The following UFD1 variants were observed in gnomAD, a reference collection of about 807,000 sequenced individuals.
The protein encoded by UFD1 is ubiquitin recognition factor in ER associated degradation 1.
Under a neutral mutation model 45.9 loss-of-function variants are expected in UFD1, and 13 were observed. The ratio of observed to expected loss-of-function variants is 0.28; its 90% CI spans 0.18 to 0.45. The LOEUF is 0.45. Among genes scored for constraint, UFD1 ranks in the 20% least tolerant of loss-of-function variants. The pLI is 1.00. For missense variants in UFD1, 218 were observed against 389.2 expected (o/e 0.56, Z 3.70); for synonymous variants, 128 against 139.2 (o/e 0.92, Z 0.56).
Position 19,450,651 on chromosome 22 carries a change from A to T in UFD1, c.*19T>A. The T allele has an allele frequency of 6.2e-7, 1 of 1,613,892 alleles. No homozygotes were observed. The highest frequency in any genetic ancestry group is 1.1e-5 in the South Asian group (1 of 91,062). ...CAAATGATTCTTTTATTATTTTCCAATCAGCCAACAGTCCTCACTTAGGGC... is the reference window on the plus strand; with the variant it reads ...CAAATGATTCTTTTATTATTTTCCATTCAGCCAACAGTCCTCACTTAGGGC... On this transcript the variant is annotated 3_prime_UTR_variant, in exon 12 of 12. Transcript: ENST00000263202.
chr22:19,454,283 A>G (rs1291644922), intron 11 of UFD1: 2 of 998,522 alleles, frequency 2.0e-6, no homozygotes, highest in Admixed American at 5.6e-5. Flanking sequence ...AAGGGAAAAC[A>G]TGACAGACAC....
At chr22:19,467,303 C>T (rs781437842) in intron 5 of UFD1, 2 of 152,590 alleles carry the variant, frequency 1.3e-5, no homozygotes, top group East Asian at 1.9e-4. Flanking sequence ...AGCACCGTCC[C>T]GTACCTGCAC....
At chr22:19,478,635 C>A in intron 1 of UFD1, 1 of 237,278 alleles carries the variant, frequency 4.2e-6, no homozygotes, top group Non-Finnish European at 8.1e-6. Flanking sequence ...GGCACGAACC[C>A]GTAGGCACGG....
At chr22:19,452,955 T>A in intron 11 of UFD1, 1 of 831,474 alleles carries the variant, frequency 1.2e-6, no homozygotes, top group Non-Finnish European at 1.5e-6. Flanking sequence ...TCTGCAAAAT[T>A]GTGCCCATCT....
chr22:19,470,121 G>A, intron 4 of UFD1: 1 of 466,288 alleles, frequency 2.1e-6, no homozygotes, highest in Non-Finnish European at 4.3e-6. Flanking sequence ...GGCACCTGCA[G>A]ACAAACACAA....
rs2089673893 is a variant in UFD1 at position 19,450,678 on chromosome 22, T to C, written c.916A>G (p.Lys306Glu). Residue 306 changes from lysine to glutamate, a missense_variant, in exon 12 of 12, where the codon AAG becomes GAG. Around this residue, in one of 2 missense-constraint regions of UFD1, gnomAD observed 69 missense variants for 81.7 expected, o/e 0.84. Coordinates refer to ENST00000263202, the MANE Select transcript of UFD1 (RefSeq NM_005659.7). ...CAGCCAACAGTCCTCACTTAGGGCT[T>C]TCTTCCCTTTTTACGCAATGACTGT... ...EGQSLRKKGRKP is the reference protein window; with the variant it reads ...EGQSLRKKGREP 6.2e-7 allele frequency: 1 copy of C among 1,614,204 alleles called. No homozygotes were observed. Among genetic ancestry groups the C allele is most frequent in the East Asian group, 2.2e-5 (1 of 44,882 alleles).
chr22:19,474,290 A>G (rs965127485), intron 3 of UFD1, among the ~76,000 whole-genome samples: 4 of 152,160 alleles, frequency 2.6e-5, no homozygotes, highest in Non-Finnish European at 5.9e-5. Flanking sequence ...CACGCCTATA[A>G]TCCCATAACT....
Position 19,454,838 on chromosome 22 carries a change from AAGAGAC to A in UFD1, c.768-14_768-9del, listed in dbSNP as rs747177448. The A allele has an allele frequency of 1.2e-5, 19 of 1,612,468 alleles. No homozygotes were observed. The East Asian group carries it at 2.7e-4, about 23-fold the overall frequency. ...TCATAATTGGGAATTCCTCTGTAAG[AAGAGAC>A]AGAGACAGAGAAATGTTATTTCCAG... On this transcript the variant is annotated splice_polypyrimidine_tract_variant and intron_variant, in intron 10 of 11. Transcript: ENST00000263202.
In UFD1 at chr22:19,450,821, G is replaced by A. The variant is rs8137166; in HGVS notation, c.850-77C>T. ...TAAATGCCTTACTCTATGGACTCACGTACCATCCACATTACTCATAAGAAA... is the reference window on the plus strand; with the variant it reads ...TAAATGCCTTACTCTATGGACTCACATACCATCCACATTACTCATAAGAAA... On this transcript the variant is annotated intron_variant, in intron 11 of 11. Coordinates refer to ENST00000263202, the MANE Select transcript of UFD1 (RefSeq NM_005659.7). The A allele has an allele frequency of 0.016, 26,002 of 1,606,858 alleles. 3,463 individuals carry two copies. In the African/African-American group the frequency reaches 0.3, roughly 18 times the overall value.
intron 2 of UFD1, 54 bp downstream of exon 2, chr22:19,475,416 C>T: frequency 6.2e-7 from 1 of 1,607,490 alleles, no homozygotes; most frequent in Middle Eastern, 1.8e-4. Flanking sequence ...AAGGCTACAG[C>T]ATTGCAGACT....
intron 4 of UFD1, among the ~76,000 whole-genome samples, chr22:19,468,483 G>A (rs1601897964): frequency 6.6e-6 from 1 of 152,148 alleles, no homozygotes; most frequent in African/African-American, 2.4e-5. Flanking sequence ...TGCTAAGGAG[G>A]TTATAAAAAT....
chr22:19,454,219 T>C (rs2073728), intron 11 of UFD1: 852,751 of 991,644 alleles, frequency 0.86, 367,174 homozygotes, highest in African/African-American at 0.97. Context: ...TCATACACCC[T>C]ACACCAGCTC....
intron 11 of UFD1, chr22:19,451,425 G>A: frequency 4.1e-6 from 4 of 985,140 alleles, no homozygotes; most frequent in Non-Finnish European, 4.8e-6. Context: ...CACTTTTAAT[G>A]CTTTTAACAT....
intron 6 of UFD1, among the ~76,000 whole-genome samples, chr22:19,458,739 G>C (rs1046782484): frequency 6.6e-6 from 1 of 152,078 alleles, no homozygotes; most frequent in Non-Finnish European, 1.5e-5. Context: ...CACCGCACTC[G>C]GCCTTCGAAA....
At chr22:19,474,071 C>T (rs1022154932) in intron 3 of UFD1, among the ~76,000 whole-genome samples, 2 of 152,116 alleles carry the variant, frequency 1.3e-5, no homozygotes, top group African/African-American at 4.8e-5. Context: ...TTCCAGGTTG[C>T]TCTCATGGGA....
chr22:19,476,047 T>C (rs984240927), intron 1 of UFD1, among the ~76,000 whole-genome samples: 1 of 152,254 alleles, frequency 6.6e-6, no homozygotes, highest in Non-Finnish European at 1.5e-5. Context: ...ATACCACCCC[T>C]GTCCTGGTGA....
intron 6 of UFD1, among the ~76,000 whole-genome samples, chr22:19,459,661 G>T (rs2146292703): frequency 6.7e-6 from 1 of 150,064 alleles, no homozygotes; most frequent in Non-Finnish European, 1.5e-5. Context: ...CAGAAGCATA[G>T]AAATTAAAAG....
chr22:19,472,631 C>T (rs1452883710), intron 3 of UFD1, among the ~76,000 whole-genome samples: 2 of 152,190 alleles, frequency 1.3e-5, no homozygotes, highest in African/African-American at 2.4e-5. Context: ...ACTGGGCCCC[C>T]GGGAGAAGAC....
chr22:19,470,926 G>A (rs1294473899), intron 4 of UFD1: 6 of 435,422 alleles, frequency 1.4e-5, no homozygotes, highest in African/African-American at 4.1e-5. Context: ...GGGTCTCTCA[G>A]TATGCCTGAT....
Sources: allele counts gnomAD v4.1 joint callset (sites outside exome capture counted in the v4.1 genomes callset), GRCh38; gene constraint gnomAD v4.1.1; regional missense constraint gnomAD v4.1.1; transcripts MANE v1.5; gene names NCBI Gene and HGNC (gene_info 2026-07-23, HGNC 2026-07-21).